CREB5: variants seen among roughly 807,000 people sequenced by gnomAD.
The protein encoded by CREB5 is cAMP responsive element binding protein 5.
Under a neutral mutation model 57.1 loss-of-function variants are expected in CREB5, and 19 were observed. The observed-to-expected ratio is 0.33, with a 90% CI of 0.23 to 0.49. The LOEUF (loss-of-function observed/expected upper bound fraction) is 0.49, where lower values mean the gene tolerates loss of function less well. CREB5 is among the 20% of genes least tolerant of loss of function. The pLI is 0.99. For missense variants in CREB5, 579 were observed against 671.6 expected (o/e 0.86, Z 1.52); for synonymous variants, 238 against 238.3 (o/e 1.00, Z 0.01).
chr7:28,400,324 C>T (rs1413439138), intron 1 of CREB5, among the ~76,000 whole-genome samples: 1 of 152,206 alleles, frequency 6.6e-6, no homozygotes, highest in Non-Finnish European at 1.5e-5. Context: ...TCATACCTTT[C>T]ACCCAGAGTT....
At chr7:28,742,438 T>C (rs1315434993) in intron 7 of CREB5, among the ~76,000 whole-genome samples, 1 of 151,346 alleles carries the variant, frequency 6.6e-6, no homozygotes, top group African/African-American at 2.4e-5. Context: ...TGGTGGCAGG[T>C]GCCTGTAGTC....
At chr7:28,718,915 C>A in intron 6 of CREB5, 36 bp downstream of exon 6, 1 of 1,613,368 alleles carries the variant, frequency 6.2e-7, no homozygotes, top group Non-Finnish European at 8.5e-7. Context: ...TAGCTTGTCA[C>A]TTGCACTGAG....
chr7:28,574,289 C>T (rs1432517657), intron 5 of CREB5, among the ~76,000 whole-genome samples: 1 of 152,180 alleles, frequency 6.6e-6, no homozygotes, highest in African/African-American at 2.4e-5. Flanking sequence ...CAAACAGTAT[C>T]TCTCCTCCAG....
chr7:28,528,704 C>CAAAAAAAA (rs778154325), intron 4 of CREB5, among the ~76,000 whole-genome samples: 3 of 58,396 alleles, frequency 5.1e-5, no homozygotes, highest in Non-Finnish European at 6.7e-5. Context: ...AACTCCATCT[C>CAAAAAAAA]AAAAAAAAAA....
chr7:28,449,705 C>T lies in CREB5; in HGVS notation c.3+36788C>T, dbSNP rs76643255. Among the ~76,000 whole-genome samples the T allele has an allele frequency of 4.1e-3, 617 of 152,288 alleles. 4 individuals are homozygous for T. In the Middle Eastern group the frequency reaches 0.041, roughly 10 times the overall value. Reference sequence around the variant, plus strand: ...CTTGACCAAATCATGTGTTAGGATCCTTCTCTGGGGGACCTGAGGTCGTAA... The same window carrying T: ...CTTGACCAAATCATGTGTTAGGATCTTTCTCTGGGGGACCTGAGGTCGTAA... On this transcript the variant is annotated intron_variant, in intron 1 of 10. Coordinates refer to ENST00000357727, the MANE Select transcript of CREB5 (RefSeq NM_182898.4).
intron 5 of CREB5, among the ~76,000 whole-genome samples, chr7:28,706,954 G>A (rs996309770): frequency 6.6e-6 from 1 of 152,162 alleles, no homozygotes; most frequent in Non-Finnish European, 1.5e-5. Context: ...TGTTAAGTCT[G>A]TTAAGAAACC....
chr7:28,638,292 C>CACACAG (rs1798507504), intron 5 of CREB5, among the ~76,000 whole-genome samples: 2 of 150,996 alleles, frequency 1.3e-5, no homozygotes, highest in South Asian at 2.1e-4. Context: ...CACACACACA[C>CACACAG]ACGAACACAC....
intron 1 of CREB5, among the ~76,000 whole-genome samples, chr7:28,400,232 CCTTA>C (rs1787429487): frequency 6.6e-6 from 1 of 152,168 alleles, no homozygotes; most frequent in Non-Finnish European, 1.5e-5. Flanking sequence ...AACTCAACTT[CCTTA>C]CTTATTACCT....
In CREB5 at chr7:28,792,390, A is replaced by G. The variant is rs190143832; in HGVS notation, c.703-11809A>G. Among the ~76,000 whole-genome samples the G allele has an allele frequency of 1.7e-3, 256 of 152,308 alleles. 1 individual carries two copies. Among genetic ancestry groups the G allele is most frequent in the African/African-American group, 5.9e-3 (247 of 41,574 alleles). On this transcript the variant is annotated intron_variant, in intron 7 of 10. Coordinates refer to ENST00000357727, the MANE Select transcript of CREB5 (RefSeq NM_182898.4). ...GAAAACTCTGAAACTAGAAGAAAGT[A>G]TAGAAATGCTCAATATTTTCTAATA...
At chr7:28,569,877 T>G (rs907418085) in intron 4 of CREB5, among the ~76,000 whole-genome samples, 3 of 152,084 alleles carry the variant, frequency 2.0e-5, no homozygotes, top group Non-Finnish European at 4.4e-5. Flanking sequence ...CCTGAGATTA[T>G]GATTTGGAAA....
At chr7:28,470,342 T>C (rs909593156) in intron 1 of CREB5, among the ~76,000 whole-genome samples, 2 of 152,232 alleles carry the variant, frequency 1.3e-5, no homozygotes, top group African/African-American at 4.8e-5. Context: ...TTTCCGTGCC[T>C]GGCTTATTTT....
chr7:28,372,882 C>T (rs775842965), intron 1 of CREB5, among the ~76,000 whole-genome samples: 8 of 152,176 alleles, frequency 5.3e-5, no homozygotes, highest in Non-Finnish European at 1.2e-4. Flanking sequence ...TATAGAGCTG[C>T]CTAGCAGAAC....
intron 1 of CREB5, among the ~76,000 whole-genome samples, chr7:28,371,491 C>CAA (rs5883125): frequency 3.5e-4 from 27 of 77,150 alleles, no homozygotes; most frequent in African/African-American, 8.5e-4. Flanking sequence ...TACTCCATCT[C>CAA]AAAAAAAAAA....
intron 5 of CREB5, among the ~76,000 whole-genome samples, chr7:28,686,639 G>A (rs1457886701): frequency 2.6e-5 from 4 of 152,116 alleles, no homozygotes; most frequent in East Asian, 3.9e-4. Flanking sequence ...GGAACCAATC[G>A]CTTGAATGGT....
intron 7 of CREB5, among the ~76,000 whole-genome samples, chr7:28,737,576 TATATATA>T (rs1421853958): frequency 4.1e-4 from 14 of 33,766 alleles, no homozygotes; most frequent in African/African-American, 1.0e-3. Flanking sequence ...TATATATATA[TATATATA>T]TATATTTTTA....
chr7:28,336,354 T>C (rs569975301), intron 1 of CREB5, among the ~76,000 whole-genome samples: 4 of 152,240 alleles, frequency 2.6e-5, no homozygotes, highest in African/African-American at 9.6e-5. Flanking sequence ...AGACTTTTTA[T>C]TATGGCTTTG....
At chr7:28,480,420 C>T (rs1791276141) in intron 1 of CREB5, among the ~76,000 whole-genome samples, 1 of 152,174 alleles carries the variant, frequency 6.6e-6, no homozygotes, top group Admixed American at 6.5e-5. Flanking sequence ...TTTTAAATGA[C>T]AATGAAATAC....
intron 5 of CREB5, among the ~76,000 whole-genome samples, chr7:28,572,621 C>T (rs942273737): frequency 6.6e-6 from 1 of 152,200 alleles, no homozygotes; most frequent in South Asian, 2.1e-4. Flanking sequence ...CCTGCCACCC[C>T]CCACCAACTA....
At chr7:28,758,614 C>T (rs541401267) in intron 7 of CREB5, among the ~76,000 whole-genome samples, 40 of 152,280 alleles carry the variant, frequency 2.6e-4, no homozygotes, top group African/African-American at 8.9e-4. Context: ...TGTGAAATCC[C>T]CCAGCCACTT....
Sources: allele counts gnomAD v4.1 joint callset (sites outside exome capture counted in the v4.1 genomes callset), GRCh38; gene constraint gnomAD v4.1.1; transcripts MANE v1.5; gene names NCBI Gene and HGNC (gene_info 2026-07-23, HGNC 2026-07-21).